The following DNAH14 variants were observed in gnomAD, a reference collection of about 807,000 sequenced individuals.
DNAH14 encodes the protein dynein axonemal heavy chain 14.
DNAH14 carries 478 observed loss-of-function variants against 520.9 expected under a neutral mutation model. That is an observed-to-expected ratio of 0.92 (90% confidence interval 0.85 to 0.99). The LOEUF (loss-of-function observed/expected upper bound fraction) is 0.99, where lower values mean the gene tolerates loss of function less well. DNAH14 is among the 50% of genes least tolerant of loss of function. The pLI, the probability that DNAH14 is intolerant of heterozygous loss-of-function variation, is 0.00. For missense variants in DNAH14, 4,831 were observed against 5,234.5 expected, an observed-to-expected ratio of 0.92 and a Z score of 2.38; for synonymous variants, 1,581 against 1,757.2, an observed-to-expected ratio of 0.90 and a Z score of 2.51.
At chr1:225,102,189 C>A (rs1277422869) in intron 23 of DNAH14, among the ~76,000 whole-genome samples, 2 of 151,826 alleles carry the variant, frequency 1.3e-5, no homozygotes, top group Non-Finnish European at 2.9e-5. Flanking sequence ...TGGTTTCCAG[C>A]TTCATCCATG....
chr1:224,990,581 A>G (rs529493693), intron 8 of DNAH14, among the ~76,000 whole-genome samples: 1 of 152,134 alleles, frequency 6.6e-6, no homozygotes. Context: ...TGCCTGGCTT[A>G]TTTAACTTAG....
chr1:225,100,967 T>C, intron 23 of DNAH14, 83 bp downstream of exon 23: 1 of 1,128,364 alleles, frequency 8.9e-7, no homozygotes, highest in Non-Finnish European at 1.2e-6. Context: ...CTGCAGAAGC[T>C]AATTCCAGTG....
intron 27 of DNAH14, among the ~76,000 whole-genome samples, chr1:225,127,194 G>A (rs1438577037): frequency 4.0e-5 from 6 of 149,734 alleles, no homozygotes; most frequent in Admixed American, 1.3e-4. Flanking sequence ...GTTGATTTGG[G>A]GTGGAGAGTT....
intron 54 of DNAH14, among the ~76,000 whole-genome samples, chr1:225,279,634 C>A (rs181943590): frequency 6.6e-6 from 1 of 151,950 alleles, no homozygotes; most frequent in Non-Finnish European, 1.5e-5. Context: ...GTTGAACTAC[C>A]AGAACTACCA....
intron 15 of DNAH14, among the ~76,000 whole-genome samples, chr1:225,047,602 A>G (rs890642704): frequency 1.3e-5 from 2 of 152,190 alleles, no homozygotes; most frequent in Admixed American, 6.5e-5. Context: ...TAGTCACACA[A>G]TGATGAAATT....
At chr1:225,033,439 G>A (rs1306985565) in intron 11 of DNAH14, among the ~76,000 whole-genome samples, 2 of 152,030 alleles carry the variant, frequency 1.3e-5, no homozygotes. Flanking sequence ...TGGTCTATGT[G>A]CCTGTTTTTG....
chr1:225,303,396 T>C (rs1161272910), intron 57 of DNAH14, 49 bp downstream of exon 57: 4 of 1,495,240 alleles, frequency 2.7e-6, no homozygotes, highest in Non-Finnish European at 1.8e-6. Context: ...CAGCATCTGA[T>C]GGTATTATGC....
Position 225,147,340 on chromosome 1 carries a change from G to A in DNAH14, c.4940+91G>A, listed in dbSNP as rs2080047129. 31 of 1,314,604 alleles carry A rather than the reference G, an allele frequency of 2.4e-5. No homozygotes were observed. In the South Asian group the frequency reaches 6.3e-4, roughly 27 times the overall value. 81.4% of individuals were successfully genotyped at this position (1,314,604 alleles called of 1,614,324 possible). On this transcript the variant is annotated intron_variant, in intron 31 of 85. Coordinates refer to ENST00000682510, the MANE Select transcript of DNAH14 (RefSeq NM_001367479.1). The stretch of plus-strand genomic sequence containing the variant: ...TATTGTTAAATATTTTCCCCAATAA[G>A]TGTTTAGGTCTTTGGGGTGTTTTTT...
chr1:224,930,542 A>G (rs1020960436), intron 1 of DNAH14, among the ~76,000 whole-genome samples: 3 of 152,230 alleles, frequency 2.0e-5, no homozygotes, highest in African/African-American at 7.2e-5. Context: ...AATTATGTAC[A>G]GTACATAGTA....
chr1:225,391,255 A>G (rs1006130622), intron 83 of DNAH14, among the ~76,000 whole-genome samples: 1 of 152,172 alleles, frequency 6.6e-6, no homozygotes, highest in African/African-American at 2.4e-5. Context: ...AGCTATAGGA[A>G]GGAAGAAGGG....
At chr1:225,056,106 A>C (rs2069055300) in intron 17 of DNAH14, among the ~76,000 whole-genome samples, 1 of 151,894 alleles carries the variant, frequency 6.6e-6, no homozygotes, top group African/African-American at 2.4e-5. Context: ...CTGAGGAATC[A>C]CCACACTCAC....
At position 225,147,216 on chromosome 1, in the gene DNAH14, C is replaced by T. The variant is rs1573497131; in HGVS notation, c.4907C>T (p.Thr1636Ile). Residue 1636 changes from threonine to isoleucine, a missense_variant, in exon 31 of 86, where the codon ACA (threonine) becomes ATA (isoleucine). By Grantham distance (89) the Thr-to-Ile change is moderately conservative. Transcript: ENST00000682510. ...VLSVIASQIL[T>I]IKAAKDNYSA... ...TCTGTCATTGCCTCACAGATCCTAA[C>T]AATTAAGGCTGCAAAAGACAACTAT... 1.9e-6 allele frequency: 3 copies of T among 1,548,036 alleles called. No homozygotes were observed. The highest frequency in any genetic ancestry group is 2.6e-6 in the Non-Finnish European group (3 of 1,145,934).
intron 20 of DNAH14, among the ~76,000 whole-genome samples, chr1:225,084,308 A>G (rs1284698580): frequency 6.6e-6 from 1 of 152,146 alleles, no homozygotes; most frequent in Non-Finnish European, 1.5e-5. Flanking sequence ...GCCATCCTGT[A>G]GAAATTTGAC....
intron 21 of DNAH14, among the ~76,000 whole-genome samples, chr1:225,095,009 CA>C: frequency 6.6e-6 from 1 of 151,940 alleles, no homozygotes; most frequent in East Asian, 1.9e-4. Flanking sequence ...ATTAAAAGGT[CA>C]AAAAATAACA....
chr1:225,118,129 A>T, intron 25 of DNAH14, 130 bp downstream of exon 25: 1 of 768,012 alleles, frequency 1.3e-6, no homozygotes, highest in Non-Finnish European at 2.3e-6. Context: ...ATCCTTACGT[A>T]AATATACTTT....
intron 2 of DNAH14, 93 bp from the exon 3 acceptor site, chr1:224,954,865 TA>T: frequency 1.1e-6 from 1 of 934,824 alleles, no homozygotes; most frequent in Non-Finnish European, 1.6e-6. Context: ...GTTTTAATTA[TA>T]AATGTGAAAT....
At chr1:225,176,552 T>G (rs2083360413) in intron 36 of DNAH14, among the ~76,000 whole-genome samples, 1 of 148,692 alleles carries the variant, frequency 6.7e-6, no homozygotes. Flanking sequence ...TTTCCTACTA[T>G]TATTGTATGA....
intron 28 of DNAH14, among the ~76,000 whole-genome samples, chr1:225,142,951 T>A (rs1048705731): frequency 1.3e-5 from 2 of 152,114 alleles, no homozygotes; most frequent in Non-Finnish European, 2.9e-5. Flanking sequence ...TTTAATTTTT[T>A]AAAAAAATTA....
chr1:225,363,621 T>C (rs767297843), intron 75 of DNAH14, among the ~76,000 whole-genome samples: 32 of 152,162 alleles, frequency 2.1e-4, no homozygotes, highest in Non-Finnish European at 3.5e-4. Context: ...GTTACAGTGG[T>C]CCCTGACTAT....
Sources: allele counts gnomAD v4.1 joint callset (sites outside exome capture counted in the v4.1 genomes callset), GRCh38; gene constraint gnomAD v4.1.1; transcripts MANE v1.5; gene names NCBI Gene and HGNC (gene_info 2026-07-23, HGNC 2026-07-21).